The following RYR2 variants were observed in gnomAD, a reference collection of about 807,000 sequenced individuals.
RYR2 encodes the protein ryanodine receptor 2.
In RYR2, 227 loss-of-function variants were observed where a neutral mutation model predicts 601.1. That is an observed-to-expected ratio of 0.38 (90% CI 0.34 to 0.42). The LOEUF is 0.42. Ranked by LOEUF, RYR2 falls within the 10% of genes least tolerant of loss-of-function variation. RYR2 has a pLI of 1.00. For missense variants in RYR2, 4,646 were observed against 6,156.5 expected, an observed-to-expected ratio of 0.75 and a Z score of 8.21; for synonymous variants, 2,223 against 2,175.1, an observed-to-expected ratio of 1.02 and a Z score of -0.61.
At chr1:237,497,040 T>C (rs147848192) in intron 20 of RYR2, among the ~76,000 whole-genome samples, 2 of 152,344 alleles carry the variant, frequency 1.3e-5, no homozygotes, top group East Asian at 1.9e-4. Context: ...GGAACAATAC[T>C]GTGTATTTAA....
chr1:237,425,395 C>T (rs1029188598), intron 12 of RYR2, among the ~76,000 whole-genome samples: 1 of 152,092 alleles, frequency 6.6e-6, no homozygotes, highest in African/African-American at 2.4e-5. Flanking sequence ...GGTGTGGTGG[C>T]TTACACCTGT....
At chr1:237,744,315 A>G (rs1445617719) in intron 80 of RYR2, among the ~76,000 whole-genome samples, 1 of 151,682 alleles carries the variant, frequency 6.6e-6, no homozygotes, top group Non-Finnish European at 1.5e-5. Flanking sequence ...TGTGAAGATG[A>G]TACCTATAAA....
chr1:237,571,258 G>T (rs1343740632), intron 29 of RYR2, among the ~76,000 whole-genome samples: 2 of 151,250 alleles, frequency 1.3e-5, no homozygotes, highest in Admixed American at 6.6e-5. Flanking sequence ...CATATATATA[G>T]TCTTGGATTT....
At chr1:237,361,370 A>G (rs1352386705) in intron 4 of RYR2, among the ~76,000 whole-genome samples, 1 of 152,084 alleles carries the variant, frequency 6.6e-6, no homozygotes, top group Non-Finnish European at 1.5e-5. Flanking sequence ...CACAAAGGAG[A>G]GGTTACCGGT....
chr1:237,148,527 A>G (rs112592121), intron 1 of RYR2, among the ~76,000 whole-genome samples: 1 of 83,916 alleles, frequency 1.2e-5, no homozygotes, highest in Non-Finnish European at 2.4e-5. Flanking sequence ...AAAAAAAAAA[A>G]ATATATATAT....
rs189345192 is a variant in RYR2 at position 237,792,207 on chromosome 1, G to C, written c.13666G>C (p.Ala4556Pro). 6 of 1,613,526 alleles carry C rather than the reference G, an allele frequency of 3.7e-6. No individual in the cohort carries two copies. The highest frequency in any genetic ancestry group is 5.1e-6 in the Non-Finnish European group (6 of 1,179,774). The change falls in exon 94 of 105, where the codon GCA becomes CCA. Residue 4556 changes from alanine (A) to proline (P), a missense_variant. By Grantham distance (27) the Ala-to-Pro change is conservative. Transcript: ENST00000366574. ...SLDSSSHRII[A>P]VHYVLEESSG... ...GGACAGCAGCTCCCATAGAATCATC[G>C]CAGTTCACTATGTACTAGAGGAGAG... is the stretch of plus-strand genomic sequence containing the variant.
chr1:237,419,847 T>A (rs940656675), intron 11 of RYR2, among the ~76,000 whole-genome samples: 54 of 152,332 alleles, frequency 3.5e-4, no homozygotes, highest in African/African-American at 1.3e-3. Context: ...TTTATTTTTT[T>A]AATTAAATCC....
At chr1:237,285,553 A>G (rs1396651305) in intron 2 of RYR2, among the ~76,000 whole-genome samples, 2 of 152,044 alleles carry the variant, frequency 1.3e-5, no homozygotes, top group African/African-American at 4.8e-5. Flanking sequence ...TGAATTAGGG[A>G]GGGTTCCTTC....
At chr1:237,456,215 A>T (rs999262503) in intron 15 of RYR2, among the ~76,000 whole-genome samples, 1 of 152,196 alleles carries the variant, frequency 6.6e-6, no homozygotes, top group Admixed American at 6.6e-5. Flanking sequence ...GATTTGCTTT[A>T]AAAATATCTT....
At chr1:237,550,206 G>A (rs1670245074) in intron 26 of RYR2, among the ~76,000 whole-genome samples, 1 of 152,190 alleles carries the variant, frequency 6.6e-6, no homozygotes. Context: ...ATAAAACCCT[G>A]TCCATGAACT....
intron 80 of RYR2, among the ~76,000 whole-genome samples, chr1:237,749,821 G>T (rs575601958): frequency 6.6e-6 from 1 of 152,184 alleles, no homozygotes. Flanking sequence ...CTGTGTTTTA[G>T]AACAGGAATG....
chr1:237,660,748 T>G, intron 55 of RYR2, 62 bp from the exon 56 acceptor site: 1 of 1,422,668 alleles, frequency 7.0e-7, no homozygotes, highest in Non-Finnish European at 9.5e-7. Flanking sequence ...GAGCAAAGCG[T>G]TACTTAACAT....
chr1:237,121,845 A>AG (rs1243771819), intron 1 of RYR2, among the ~76,000 whole-genome samples: 1 of 152,208 alleles, frequency 6.6e-6, no homozygotes, highest in African/African-American at 2.4e-5. Flanking sequence ...GGATATAAAA[A>AG]TTTAGATGTG....
chr1:237,635,067 G>A, intron 44 of RYR2, 75 bp downstream of exon 44: 1 of 1,173,368 alleles, frequency 8.5e-7, no homozygotes, highest in Non-Finnish European at 1.2e-6. Context: ...TTAAATATAA[G>A]TAAGGTTGGT....
At chr1:237,103,453 G>T (rs1482832976) in intron 1 of RYR2, among the ~76,000 whole-genome samples, 1 of 152,192 alleles carries the variant, frequency 6.6e-6, no homozygotes, top group Non-Finnish European at 1.5e-5. Context: ...ACAGGTTAGG[G>T]CTACCTCAGG....
intron 1 of RYR2, among the ~76,000 whole-genome samples, chr1:237,200,117 A>C (rs60006444): frequency 0.012 from 1,885 of 152,308 alleles, 53 homozygotes; most frequent in African/African-American, 0.043. Context: ...TAATTTACCC[A>C]AAATCACATA....
In RYR2 at chr1:237,590,852, T is replaced by A. The variant is rs1040456396; in HGVS notation, c.4020T>A (p.Asp1340Glu). Residue 1340 changes from aspartate (D) to glutamate (E), a missense_variant, in exon 31 of 105, where the codon GAT becomes GAA. This residue lies in a region of RYR2 where 1,807 missense variants were observed against 2,088.1 expected (regional missense o/e 0.87). Coordinates refer to ENST00000366574, the MANE Select transcript of RYR2 (RefSeq NM_001035.3). ...ATGACTTGGAAGATTATGATGCTGA[T>A]TCTGACTTTGAGGTTCTGATGAAGA... ...PKNDLEDYDADSDFEVLMKTA... is the reference protein window; with the variant it reads ...PKNDLEDYDAESDFEVLMKTA... 4 of 1,613,668 alleles carry A rather than the reference T, an allele frequency of 2.5e-6. No homozygotes were observed. The highest frequency in any genetic ancestry group is 3.4e-6 in the Non-Finnish European group (4 of 1,179,826).
At chr1:237,160,011 A>G (rs927128361) in intron 1 of RYR2, among the ~76,000 whole-genome samples, 1 of 152,322 alleles carries the variant, frequency 6.6e-6, no homozygotes, top group African/African-American at 2.4e-5. Flanking sequence ...ATTAGGGACC[A>G]TGCTTTACTA....
intron 1 of RYR2, among the ~76,000 whole-genome samples, chr1:237,196,584 A>G (rs560726639): frequency 1.8e-4 from 27 of 152,238 alleles, no homozygotes; most frequent in African/African-American, 6.5e-4. Context: ...ATTATTTTAT[A>G]TGTCAGCTCT....
Sources: gnomAD v4.1 joint callset for allele counts (sites outside exome capture counted in the v4.1 genomes callset) on GRCh38, gnomAD v4.1.1 for gene constraint, gnomAD v4.1.1 regional missense constraint, MANE v1.5 for transcripts, NCBI Gene and HGNC (gene_info 2026-07-23, HGNC 2026-07-21) for gene names.